The following ROBO2 variants were observed in gnomAD, a reference collection of about 807,000 sequenced individuals.
The protein encoded by ROBO2 is roundabout homolog 2.
ROBO2 carries 53 observed loss-of-function variants against 160.8 expected under a neutral mutation model. The observed-to-expected ratio is 0.33, with a 90% CI of 0.26 to 0.41. ROBO2 has a LOEUF of 0.41. Among genes scored for constraint, ROBO2 ranks in the 10% least tolerant of loss-of-function variants. The pLI is 1.00. For missense variants in ROBO2, 1,577 were observed against 1,722.4 expected (o/e 0.92, Z 1.49); for synonymous variants, 664 against 611.7 (o/e 1.09, Z -1.26).
At chr3:76,868,541 T>C (rs1261797352) in intron 2 of ROBO2, among the ~76,000 whole-genome samples, 1 of 152,188 alleles carries the variant, frequency 6.6e-6, no homozygotes, top group African/African-American at 2.4e-5. Flanking sequence ...ATTGCATGGG[T>C]AATGCAATCT....
chr3:76,955,574 GT>G (rs1280370265), intron 2 of ROBO2, among the ~76,000 whole-genome samples: 1 of 151,960 alleles, frequency 6.6e-6, no homozygotes, highest in Non-Finnish European at 1.5e-5. Flanking sequence ...TGCATTGTGG[GT>G]TTGATTTGCC....
At chr3:77,162,576 A>G (rs1452415344) in intron 2 of ROBO2, among the ~76,000 whole-genome samples, 1 of 152,196 alleles carries the variant, frequency 6.6e-6, no homozygotes, top group Admixed American at 6.5e-5. Context: ...TACATAATGG[A>G]AACAGTACAC....
chr3:76,431,011 T>C (rs2109015167), intron 2 of ROBO2, among the ~76,000 whole-genome samples: 1 of 152,222 alleles, frequency 6.6e-6, no homozygotes, highest in South Asian at 2.1e-4. Context: ...AGATATTTCA[T>C]GAAGTCAACA....
chr3:76,673,170 G>A (rs2092314565), intron 2 of ROBO2, among the ~76,000 whole-genome samples: 4 of 149,480 alleles, frequency 2.7e-5, no homozygotes, highest in African/African-American at 1.0e-4. Context: ...AACAGTAAAC[G>A]GTTCATCTCC....
chr3:77,207,092 A>C (rs1258690479), intron 2 of ROBO2, among the ~76,000 whole-genome samples: 1 of 152,216 alleles, frequency 6.6e-6, no homozygotes, highest in Non-Finnish European at 1.5e-5. Context: ...TATGGGCATA[A>C]TATTAATTGA....
At chr3:77,242,294 C>T (rs958913422) in intron 2 of ROBO2, among the ~76,000 whole-genome samples, 10 of 152,028 alleles carry the variant, frequency 6.6e-5, no homozygotes, top group African/African-American at 1.9e-4. Flanking sequence ...TCTCTGTTCC[C>T]TTTTTTTCTG....
At chr3:76,809,467 C>G (rs750213060) in intron 2 of ROBO2, among the ~76,000 whole-genome samples, 1 of 152,136 alleles carries the variant, frequency 6.6e-6, no homozygotes, top group Admixed American at 6.6e-5. Flanking sequence ...ACAAAGACAG[C>G]CTTATATAAC....
At chr3:77,226,296 C>CTT (rs142177538) in intron 2 of ROBO2, among the ~76,000 whole-genome samples, 2 of 147,210 alleles carry the variant, frequency 1.4e-5, no homozygotes, top group African/African-American at 5.0e-5. Flanking sequence ...TATTTATGTC[C>CTT]TTTTTTTTTT....
intron 2 of ROBO2, among the ~76,000 whole-genome samples, chr3:77,407,618 T>C (rs892310784): frequency 2.6e-5 from 4 of 152,228 alleles, no homozygotes; most frequent in African/African-American, 9.6e-5. Flanking sequence ...ACTTTATGTA[T>C]CAGGAGTTAA....
At chr3:77,087,702 A>G (rs537591004) in intron 1 of ROBO2, among the ~76,000 whole-genome samples, 17 of 151,928 alleles carry the variant, frequency 1.1e-4, no homozygotes, top group Non-Finnish European at 1.9e-4. Flanking sequence ...ATATACAGAT[A>G]TACACACATA....
intron 24 of ROBO2, among the ~76,000 whole-genome samples, chr3:77,637,508 T>A (rs1474858584): frequency 6.6e-6 from 1 of 152,202 alleles, no homozygotes; most frequent in Non-Finnish European, 1.5e-5. Flanking sequence ...TAAATGTGTA[T>A]CCTGTGGTGA....
At chr3:77,310,337 T>A (rs958294519) in intron 2 of ROBO2, among the ~76,000 whole-genome samples, 6 of 152,198 alleles carry the variant, frequency 3.9e-5, no homozygotes, top group Admixed American at 6.5e-5. Flanking sequence ...TTGCAGCCAA[T>A]TGAGAACCTA....
chr3:75,921,011 G>A (rs547980413), intron 1 of ROBO2, among the ~76,000 whole-genome samples: 5 of 151,884 alleles, frequency 3.3e-5, no homozygotes, highest in Non-Finnish European at 7.4e-5. Context: ...CTTTTAATTG[G>A]GGCATTTAGC....
intron 2 of ROBO2, among the ~76,000 whole-genome samples, chr3:76,689,726 T>C (rs2092760789): frequency 6.6e-6 from 1 of 152,174 alleles, no homozygotes; most frequent in South Asian, 2.1e-4. Flanking sequence ...TTTCCAGTAG[T>C]TCTGCATAGG....
At chr3:76,399,699 C>T (rs1295500825) in intron 2 of ROBO2, among the ~76,000 whole-genome samples, 1 of 151,600 alleles carries the variant, frequency 6.6e-6, no homozygotes, top group Non-Finnish European at 1.5e-5. Flanking sequence ...TGAGGCTTTG[C>T]CAAAGAATAA....
chr3:75,979,958 A>T (rs2065232441), intron 2 of ROBO2, among the ~76,000 whole-genome samples: 1 of 151,544 alleles, frequency 6.6e-6, no homozygotes, highest in African/African-American at 2.4e-5. Context: ...GGAGCCGTGG[A>T]TAAGGATAAA....
At chr3:77,224,763 G>A (rs1421983324) in intron 2 of ROBO2, among the ~76,000 whole-genome samples, 1 of 151,770 alleles carries the variant, frequency 6.6e-6, no homozygotes, top group Non-Finnish European at 1.5e-5. Context: ...ATGATGAAGG[G>A]CTGGGCAGAA....
chr3:77,438,792 C>T (rs2153550656), intron 2 of ROBO2, among the ~76,000 whole-genome samples: 1 of 152,110 alleles, frequency 6.6e-6, no homozygotes, highest in South Asian at 2.1e-4. Context: ...CTGTGCTAAA[C>T]TGTACTTTTA....
chr3:76,861,608 A>G (rs2070786126), intron 2 of ROBO2, among the ~76,000 whole-genome samples: 2 of 152,110 alleles, frequency 1.3e-5, no homozygotes, highest in African/African-American at 2.4e-5. Context: ...ATGTATTTTT[A>G]TATTTCTCAA....
Sources: allele counts gnomAD v4.1 joint callset (sites outside exome capture counted in the v4.1 genomes callset), GRCh38; gene constraint gnomAD v4.1.1; transcripts MANE v1.5; gene names NCBI Gene and HGNC (gene_info 2026-07-23, HGNC 2026-07-21).